SCAPER: variants seen among roughly 807,000 people sequenced by gnomAD.
SCAPER encodes S phase cyclin A-associated protein in the endoplasmic reticulum.
SCAPER carries 98 observed loss-of-function variants against 182.2 expected under a neutral mutation model. The observed-to-expected ratio is 0.54, with a 90% CI of 0.46 to 0.64. The LOEUF is 0.64. Ranked by LOEUF, SCAPER falls within the 30% of genes least tolerant of loss-of-function variation. The pLI, the probability that SCAPER is intolerant of heterozygous loss-of-function variation, is 0.00. For synonymous variants in SCAPER, 605 were observed against 564.6 expected (o/e 1.07, Z -1.01); for missense variants, 1,432 against 1,690.0 (o/e 0.85, Z 2.68).
At chr15:76,580,770 C>T (rs191914008) in intron 22 of SCAPER, among the ~76,000 whole-genome samples, 5 of 151,958 alleles carry the variant, frequency 3.3e-5, no homozygotes, top group African/African-American at 1.2e-4. Flanking sequence ...AAAGCAAGAG[C>T]AATCCAAACC....
intron 24 of SCAPER, among the ~76,000 whole-genome samples, chr15:76,472,918 T>C (rs1208208493): frequency 2.6e-5 from 4 of 152,292 alleles, no homozygotes; most frequent in East Asian, 3.9e-4. Flanking sequence ...ATCTTCAACA[T>C]AGACTTAACT....
chr15:76,504,980 C>A lies in SCAPER; in HGVS notation c.2839-6G>T, dbSNP rs757004071. The A allele has an allele frequency of 6.2e-7, 1 of 1,608,126 alleles. No individual in the cohort carries two copies. The highest frequency in any genetic ancestry group is 1.3e-5 in the African/African-American group (1 of 74,748). On this transcript the variant is annotated splice_region_variant and splice_polypyrimidine_tract_variant and intron_variant, in intron 23 of 31. Transcript: ENST00000563290. ...GCAATCTGATCTGCCACATTCTAGA[C>A]AGAAATACAAACAGAAGTTAGCCCA...
intron 8 of SCAPER, among the ~76,000 whole-genome samples, chr15:76,783,046 G>A (rs1477334319): frequency 6.6e-6 from 1 of 152,128 alleles, no homozygotes; most frequent in Non-Finnish European, 1.5e-5. Context: ...CAGAACTGAA[G>A]GGGACAGAGA....
At chr15:76,581,508 G>A (rs1007396458) in intron 22 of SCAPER, among the ~76,000 whole-genome samples, 8 of 152,144 alleles carry the variant, frequency 5.3e-5, no homozygotes, top group African/African-American at 1.7e-4. Flanking sequence ...TTCAACATAC[G>A]CAAAGCAAAC....
chr15:76,375,215 C>CAA (rs35499483), intron 29 of SCAPER, among the ~76,000 whole-genome samples: 1,166 of 56,592 alleles, frequency 0.021, 65 homozygotes, highest in Admixed American at 0.051. Context: ...AAGAACTTGT[C>CAA]AAAAAAAAAA....
At chr15:76,579,265 C>CAAAAAAAAAA in intron 22 of SCAPER, among the ~76,000 whole-genome samples, 1 of 49,496 alleles carries the variant, frequency 2.0e-5, no homozygotes, top group Admixed American at 3.7e-4. Context: ...GACTCTGTCT[C>CAAAAAAAAAA]AAAAAAAAAA....
intron 26 of SCAPER, among the ~76,000 whole-genome samples, chr15:76,433,121 G>C (rs1204283954): frequency 6.6e-6 from 1 of 152,130 alleles, no homozygotes; most frequent in African/African-American, 2.4e-5. Flanking sequence ...AACTGAGATA[G>C]GGGAATTCTC....
intron 1 of SCAPER, among the ~76,000 whole-genome samples, chr15:76,889,677 C>T (rs2074058382): frequency 6.6e-6 from 1 of 152,126 alleles, no homozygotes. Context: ...AAAGCAAGTC[C>T]TTAGAGACCT....
chr15:76,487,325 C>T (rs2051750026), intron 24 of SCAPER, among the ~76,000 whole-genome samples: 1 of 101,388 alleles, frequency 9.9e-6, no homozygotes, highest in Non-Finnish European at 1.8e-5. Context: ...TTCCCCTGAA[C>T]TTAAAAGTTT....
At chr15:76,388,253 C>T (rs940075593) in intron 27 of SCAPER, among the ~76,000 whole-genome samples, 4 of 152,196 alleles carry the variant, frequency 2.6e-5, no homozygotes, top group South Asian at 2.1e-4. Context: ...TATGACCCCA[C>T]GGGAGACACG....
At chr15:76,782,817 T>C (rs552650128) in intron 8 of SCAPER, among the ~76,000 whole-genome samples, 2 of 152,098 alleles carry the variant, frequency 1.3e-5, no homozygotes, top group African/African-American at 4.8e-5. Flanking sequence ...GAAATAAAGA[T>C]GTTCTTTGAA....
chr15:76,575,963 C>T (rs577148302), intron 22 of SCAPER, among the ~76,000 whole-genome samples: 1 of 152,350 alleles, frequency 6.6e-6, no homozygotes, highest in East Asian at 1.9e-4. Flanking sequence ...TATCTGCTCA[C>T]TGCTTTATCC....
chr15:76,504,785 C>G, intron 24 of SCAPER, 74 bp downstream of exon 24: 2 of 1,207,178 alleles, frequency 1.7e-6, no homozygotes, highest in South Asian at 3.1e-5. Context: ...TCTTGTGGTT[C>G]TCCATATGGA....
rs573234553 is a variant in SCAPER at position 76,740,795 on chromosome 15, A to C, written c.1867-7411T>G. Among the ~76,000 whole-genome samples, 13 of 152,296 alleles carry C rather than the reference A, an allele frequency of 8.5e-5. No homozygotes were observed. The East Asian group carries it at 2.5e-3, about 29-fold the overall frequency. Reference sequence around the variant, plus strand: ...AGCAATGAGTCGATTTACATATATAAGGAAAACTAAACTGAGGAATTTAAA... The same window carrying C: ...AGCAATGAGTCGATTTACATATATACGGAAAACTAAACTGAGGAATTTAAA... On this transcript the variant is annotated intron_variant, in intron 15 of 31. Transcript: ENST00000563290.
intron 21 of SCAPER, among the ~76,000 whole-genome samples, chr15:76,640,566 G>T (rs1259985050): frequency 6.6e-6 from 1 of 152,136 alleles, no homozygotes; most frequent in Non-Finnish European, 1.5e-5. Flanking sequence ...TCTTTGGGAG[G>T]ATCCACTATC....
intron 23 of SCAPER, among the ~76,000 whole-genome samples, chr15:76,551,486 C>G (rs1176253868): frequency 6.6e-6 from 1 of 152,060 alleles, no homozygotes; most frequent in Non-Finnish European, 1.5e-5. Context: ...TGACCTCATT[C>G]ATTTGTGGAA....
intron 4 of SCAPER, among the ~76,000 whole-genome samples, chr15:76,845,311 A>G (rs2069952489): frequency 6.6e-6 from 1 of 152,214 alleles, no homozygotes; most frequent in African/African-American, 2.4e-5. Flanking sequence ...GATCTGGAAC[A>G]TGAAAAGGAT....
At chr15:76,446,967 A>C (rs929192029) in intron 25 of SCAPER, among the ~76,000 whole-genome samples, 2 of 152,178 alleles carry the variant, frequency 1.3e-5, no homozygotes, top group South Asian at 4.1e-4. Context: ...TCATTGTACA[A>C]CAGACTCTGT....
chr15:76,759,136 TG>T (rs1253764709), intron 14 of SCAPER, among the ~76,000 whole-genome samples: 1 of 152,190 alleles, frequency 6.6e-6, no homozygotes, highest in Non-Finnish European at 1.5e-5. Flanking sequence ...TGGGCATACT[TG>T]CCTTTTACCA....
Sources: allele counts gnomAD v4.1 joint callset (sites outside exome capture counted in the v4.1 genomes callset), GRCh38; gene constraint gnomAD v4.1.1; transcripts MANE v1.5; gene names NCBI Gene and HGNC (gene_info 2026-07-23, HGNC 2026-07-21).